The following CMKLR2 variants were observed in gnomAD, a reference collection of about 807,000 sequenced individuals.
The protein encoded by CMKLR2 is chemerin-like receptor 2.
A neutral mutation model predicts 23.0 loss-of-function variants in CMKLR2; 18 were observed. That is an observed-to-expected ratio of 0.78 (90% CI 0.54 to 1.16). The LOEUF is 1.16. Among genes scored for constraint, CMKLR2 ranks in the 50% most tolerant of loss-of-function variants. CMKLR2 has a pLI of 0.00. For synonymous variants in CMKLR2, 158 were observed against 158.9 expected, an observed-to-expected ratio of 0.99 and a Z score of 0.05; for missense variants, 401 against 412.7, an observed-to-expected ratio of 0.97 and a Z score of 0.25.
chr2:206,180,761 T>TATTATTATTATG (rs1296463510), intron 1 of CMKLR2, among the ~76,000 whole-genome samples: 3 of 147,364 alleles, frequency 2.0e-5, no homozygotes, highest in African/African-American at 4.9e-5. Flanking sequence ...TTATTATTAT[T>TATTATTATTATG]ATTATTATTT....
intron 1 of CMKLR2, among the ~76,000 whole-genome samples, chr2:206,202,026 T>C (rs1362678761): frequency 6.6e-6 from 1 of 152,196 alleles, no homozygotes; most frequent in Non-Finnish European, 1.5e-5. Flanking sequence ...TTCCTAAAGA[T>C]TATAGTTGTT....
At chr2:206,202,149 G>A (rs1421566597) in intron 1 of CMKLR2, among the ~76,000 whole-genome samples, 1 of 152,186 alleles carries the variant, frequency 6.6e-6, no homozygotes, top group East Asian at 1.9e-4. Context: ...CTACTGTAAA[G>A]CTATGTCAGA....
At chr2:206,190,235 T>A (rs1187702822) in intron 1 of CMKLR2, among the ~76,000 whole-genome samples, 1 of 152,210 alleles carries the variant, frequency 6.6e-6, no homozygotes, top group African/African-American at 2.4e-5. Flanking sequence ...ATGAAAGTAT[T>A]CTGATTTGGC....
chr2:206,193,063 T>C (rs1158970088), intron 1 of CMKLR2, among the ~76,000 whole-genome samples: 2 of 152,132 alleles, frequency 1.3e-5, no homozygotes, highest in Non-Finnish European at 2.9e-5. Flanking sequence ...CTTCTGAATA[T>C]TTTTCGTCTG....
At chr2:206,187,684 T>G (rs1012355233) in intron 1 of CMKLR2, among the ~76,000 whole-genome samples, 4 of 151,920 alleles carry the variant, frequency 2.6e-5, no homozygotes, top group Admixed American at 2.6e-4. Flanking sequence ...AAAAAGAAAA[T>G]GGGGGAAATT....
At chr2:206,183,797 T>C (rs1456144276) in intron 1 of CMKLR2, among the ~76,000 whole-genome samples, 1 of 152,180 alleles carries the variant, frequency 6.6e-6, no homozygotes, top group African/African-American at 2.4e-5. Flanking sequence ...ACAGTTAACT[T>C]TTGAAGACAT....
At chr2:206,191,759 C>T (rs1688755568) in intron 1 of CMKLR2, among the ~76,000 whole-genome samples, 1 of 151,130 alleles carries the variant, frequency 6.6e-6, no homozygotes. Flanking sequence ...CCTTGACCTC[C>T]CAGGGCTCAA....
At chr2:206,184,073 TCTTG>T (rs1223301818) in intron 1 of CMKLR2, among the ~76,000 whole-genome samples, 1 of 152,176 alleles carries the variant, frequency 6.6e-6, no homozygotes, top group Non-Finnish European at 1.5e-5. Context: ...TTTCCATGGC[TCTTG>T]CCTAGCTTCT....
chr2:206,198,781 T>TC (rs1559093104), intron 1 of CMKLR2, among the ~76,000 whole-genome samples: 1 of 152,112 alleles, frequency 6.6e-6, no homozygotes, highest in South Asian at 2.1e-4. Context: ...TGCTTTCTTT[T>TC]CCCCCCAGGA....
At chr2:206,192,566 C>T (rs918740290) in intron 1 of CMKLR2, among the ~76,000 whole-genome samples, 3 of 151,770 alleles carry the variant, frequency 2.0e-5, no homozygotes, top group African/African-American at 7.3e-5. Flanking sequence ...AAAACAAAAA[C>T]TCCTTGTTTA....
chr2:206,195,712 T>G (rs1688898490), intron 1 of CMKLR2, among the ~76,000 whole-genome samples: 1 of 152,128 alleles, frequency 6.6e-6, no homozygotes, highest in Non-Finnish European at 1.5e-5. Flanking sequence ...CCCAGCACTT[T>G]GGGAGGCCGA....
intron 1 of CMKLR2, among the ~76,000 whole-genome samples, chr2:206,209,798 G>A (rs1163208485): frequency 2.7e-5 from 4 of 150,672 alleles, no homozygotes; most frequent in East Asian, 2.0e-4. Context: ...ACAGGCGCCC[G>A]CCACGATGCC....
chr2:206,205,195 A>G (rs762972582), intron 1 of CMKLR2, among the ~76,000 whole-genome samples: 7 of 152,200 alleles, frequency 4.6e-5, no homozygotes, highest in Admixed American at 6.6e-5. Context: ...CACTTACCAT[A>G]CCTAGAAAAC....
chr2:206,177,038 T>G lies in CMKLR2; in HGVS notation c.210A>C (p.Thr70=), dbSNP rs1301149281. 6.2e-7 allele frequency: 1 copy of G among 1,614,174 alleles called. No individual in the cohort carries two copies. Among genetic ancestry groups the G allele is most frequent in the South Asian group, 1.1e-5 (1 of 91,078 alleles). Residue 70 remains threonine, a synonymous_variant, in exon 2 of 2, where the codon ACA becomes ACC. Coordinates refer to ENST00000621141, the MANE Select transcript of CMKLR2 (RefSeq NM_001389445.1). ...IWFTGFKWKK[T]VTTLWFLNLA... is the part of the protein sequence containing the mutation. Reference sequence around the variant, plus strand: ...GATTGAGGAACCACAGAGTGGTGACTGTCTTCTTCCACTTGAACCCCGTGA... The same window carrying G: ...GATTGAGGAACCACAGAGTGGTGACGGTCTTCTTCCACTTGAACCCCGTGA...
intron 1 of CMKLR2, among the ~76,000 whole-genome samples, chr2:206,210,544 C>G (rs1334906350): frequency 6.6e-6 from 1 of 151,678 alleles, no homozygotes; most frequent in Admixed American, 6.6e-5. Context: ...CTGCAACCTC[C>G]GCCTTCCAGG....
chr2:206,206,463 A>C (rs1248499641), intron 1 of CMKLR2, among the ~76,000 whole-genome samples: 7 of 152,164 alleles, frequency 4.6e-5, no homozygotes, highest in African/African-American at 1.7e-4. Flanking sequence ...TTATCTCCTA[A>C]ACTTGCTGGT....
intron 1 of CMKLR2, among the ~76,000 whole-genome samples, chr2:206,197,620 A>G (rs1388252702): frequency 6.6e-6 from 1 of 152,212 alleles, no homozygotes; most frequent in Non-Finnish European, 1.5e-5. Context: ...AGTGCCCTGT[A>G]GAGGTTATGA....
At chr2:206,193,684 A>G (rs1688825821) in intron 1 of CMKLR2, among the ~76,000 whole-genome samples, 5 of 152,212 alleles carry the variant, frequency 3.3e-5, no homozygotes, top group Admixed American at 3.3e-4. Context: ...ATAGCAGGGT[A>G]CCTACCAGAT....
In CMKLR2 at chr2:206,190,527, G is replaced by A. The variant is rs567924722; in HGVS notation, c.-28-13252C>T. 3.3e-5 allele frequency among the ~76,000 whole-genome samples: 5 copies of A among 152,318 alleles called. No homozygotes were observed. In the East Asian group the frequency reaches 9.6e-4, roughly 29 times the overall value. ...TTAGACAGTGAGAGAATTGAGATGAGGGAGATGTATTTGAAAGACATTGAT... is the reference window on the plus strand; with the variant it reads ...TTAGACAGTGAGAGAATTGAGATGAAGGAGATGTATTTGAAAGACATTGAT... On this transcript the variant is annotated intron_variant, in intron 1 of 1. Transcript: ENST00000621141.
Sources: allele counts gnomAD v4.1 joint callset (sites outside exome capture counted in the v4.1 genomes callset), GRCh38; gene constraint gnomAD v4.1.1; transcripts MANE v1.5; gene names NCBI Gene and HGNC (gene_info 2026-07-23, HGNC 2026-07-21).